The following PLEKHG1 variants were observed in gnomAD, a reference collection of about 807,000 sequenced individuals.
The protein encoded by PLEKHG1 is pleckstrin homology and RhoGEF domain containing G1, also known as pleckstrin homology domain-containing family G member 1.
In PLEKHG1, 44 loss-of-function variants were observed where a neutral mutation model predicts 100.8. The ratio of observed to expected loss-of-function variants is 0.44; its 90% CI spans 0.34 to 0.56. The LOEUF (loss-of-function observed/expected upper bound fraction) is 0.56. PLEKHG1 is among the 20% of genes least tolerant of loss of function. The pLI is 0.01. For synonymous variants in PLEKHG1, 640 were observed against 662.5 expected, an observed-to-expected ratio of 0.97 and a Z score of 0.52; for missense variants, 1,545 against 1,720.9, an observed-to-expected ratio of 0.90 and a Z score of 1.81.
chr6:150,664,850 C>T (rs759894729), intron 3 of PLEKHG1, among the ~76,000 whole-genome samples: 17 of 152,162 alleles, frequency 1.1e-4, no homozygotes, highest in African/African-American at 2.9e-4. Context: ...GCTTCTATCT[C>T]GGGGAGTTTT....
intron 1 of PLEKHG1, among the ~76,000 whole-genome samples, chr6:150,722,153 G>A (rs910385492): frequency 6.6e-6 from 1 of 151,726 alleles, no homozygotes; most frequent in African/African-American, 2.4e-5. Context: ...TTCAAAATTA[G>A]GATCGTATTA....
intron 3 of PLEKHG1, among the ~76,000 whole-genome samples, chr6:150,783,357 C>T (rs898874347): frequency 7.3e-5 from 11 of 150,580 alleles, no homozygotes; most frequent in East Asian, 1.9e-4. Flanking sequence ...ACATAATTCA[C>T]GAGCAGAGAT....
At chr6:150,731,395 C>T (rs908624906) in intron 1 of PLEKHG1, among the ~76,000 whole-genome samples, 1 of 152,172 alleles carries the variant, frequency 6.6e-6, no homozygotes, top group African/African-American at 2.4e-5. Flanking sequence ...CTTCTTGACT[C>T]GGAATTAGTT....
At chr6:150,678,063 CATAT>C (rs201616866) in intron 3 of PLEKHG1, among the ~76,000 whole-genome samples, 7,935 of 59,998 alleles carry the variant, frequency 0.13, 368 homozygotes, top group African/African-American at 0.15. Context: ...TGTTTTGATG[CATAT>C]ATATATATAT....
intron 4 of PLEKHG1, among the ~76,000 whole-genome samples, chr6:150,788,733 G>A (rs765340818): frequency 1.3e-5 from 2 of 152,150 alleles, no homozygotes; most frequent in Admixed American, 6.5e-5. Flanking sequence ...CCAGGGCAAC[G>A]TTTAGGAGGG....
intron 3 of PLEKHG1, among the ~76,000 whole-genome samples, chr6:150,776,814 T>A (rs377757847): frequency 0.16 from 9,310 of 57,876 alleles, no homozygotes; most frequent in African/African-American, 0.33. Flanking sequence ...ACTCACACTG[T>A]TGCAATCCTG....
At chr6:150,703,355 C>T (rs1050923100) in intron 3 of PLEKHG1, among the ~76,000 whole-genome samples, 2 of 152,102 alleles carry the variant, frequency 1.3e-5, no homozygotes, top group Admixed American at 6.6e-5. Context: ...AATCCCAGCA[C>T]TTTGGGAGAC....
intron 1 of PLEKHG1, among the ~76,000 whole-genome samples, chr6:150,603,242 G>A (rs1384971346): frequency 2.0e-5 from 3 of 152,152 alleles, no homozygotes; most frequent in African/African-American, 7.2e-5. Context: ...CCTCATGCTT[G>A]TGTGTGGCAA....
At chr6:150,810,508 G>GAA (rs1393334338) in intron 10 of PLEKHG1, among the ~76,000 whole-genome samples, 2 of 76,570 alleles carry the variant, frequency 2.6e-5, no homozygotes, top group African/African-American at 9.8e-5. Flanking sequence ...GGGAAAGAAA[G>GAA]AAAGAAAAAG....
At chr6:150,738,404 C>T (rs1782684403) in intron 2 of PLEKHG1, among the ~76,000 whole-genome samples, 1 of 152,114 alleles carries the variant, frequency 6.6e-6, no homozygotes, top group Non-Finnish European at 1.5e-5. Flanking sequence ...TTTGACATTT[C>T]AACACAGTCG....
chr6:150,643,725 C>T (rs983119623), intron 2 of PLEKHG1, among the ~76,000 whole-genome samples: 4 of 152,126 alleles, frequency 2.6e-5, no homozygotes, highest in South Asian at 2.1e-4. Context: ...CTCATGCCTG[C>T]GTAATGCCCG....
chr6:150,638,501 C>A (rs1778112812), intron 2 of PLEKHG1, among the ~76,000 whole-genome samples: 1 of 152,146 alleles, frequency 6.6e-6, no homozygotes, highest in African/African-American at 2.4e-5. Flanking sequence ...TTCTCATTGC[C>A]CCTCCCTCTC....
At chr6:150,613,582 G>A (rs1378456683) in intron 1 of PLEKHG1, among the ~76,000 whole-genome samples, 1 of 152,166 alleles carries the variant, frequency 6.6e-6, no homozygotes, top group Non-Finnish European at 1.5e-5. Flanking sequence ...GTGGGTGCGA[G>A]GGGAAGCAGT....
intron 1 of PLEKHG1, among the ~76,000 whole-genome samples, chr6:150,725,812 G>A (rs893224592): frequency 6.6e-6 from 1 of 150,800 alleles, no homozygotes; most frequent in Non-Finnish European, 1.5e-5. Flanking sequence ...ATATTTTTAG[G>A]TCTTAATGTA....
At chr6:150,768,523 G>A (rs1226516028) in intron 2 of PLEKHG1, 115 bp from the exon 4 acceptor site, 5 of 657,870 alleles carry the variant, frequency 7.6e-6, no homozygotes, top group Non-Finnish European at 1.4e-5. Flanking sequence ...CAGAGTTAAT[G>A]AGCACACTAG....
In PLEKHG1 at chr6:150,673,186, C is replaced by T. The variant is rs375936991; in HGVS notation, c.-99+22400C>T. 2.0e-5 allele frequency among the ~76,000 whole-genome samples: 3 copies of T among 152,148 alleles called. No individual in the cohort carries two copies. The East Asian group carries it at 5.8e-4, about 29-fold the overall frequency. ...TATGCCATAGAAAATTAACCTTTAG[C>T]ATCCTCTCTAAAAGGGCAAATCATC... On this transcript the variant is annotated intron_variant, in intron 3 of 3. Transcript: ENST00000367326.
At chr6:150,660,096 G>A (rs1179184410) in intron 3 of PLEKHG1, among the ~76,000 whole-genome samples, 5 of 149,432 alleles carry the variant, frequency 3.3e-5, no homozygotes, top group Non-Finnish European at 7.4e-5. Flanking sequence ...TTTAAGTAGA[G>A]ACAGGGTTTC....
chr6:150,676,141 A>G (rs1386987016), intron 3 of PLEKHG1, among the ~76,000 whole-genome samples: 1 of 152,242 alleles, frequency 6.6e-6, no homozygotes, highest in Non-Finnish European at 1.5e-5. Flanking sequence ...ATTTATTGAT[A>G]TGAAGTTTAA....
chr6:150,756,544 G>A (rs75173832), intron 2 of PLEKHG1, among the ~76,000 whole-genome samples: 1,739 of 152,250 alleles, frequency 0.011, 17 homozygotes, highest in South Asian at 0.041. Context: ...GTCGGTCCTT[G>A]TGTAGATTCT....
Sources: gnomAD v4.1 joint callset for allele counts (sites outside exome capture counted in the v4.1 genomes callset) on GRCh38, gnomAD v4.1.1 for gene constraint, MANE v1.5 for transcripts, NCBI Gene and HGNC (gene_info 2026-07-23, HGNC 2026-07-21) for gene names.